The following NCAM2 variants were observed in gnomAD, a reference collection of about 807,000 sequenced individuals.
The protein encoded by NCAM2 is N-CAM-2.
Under a neutral mutation model 98.1 loss-of-function variants are expected in NCAM2, and 30 were observed. The observed-to-expected ratio is 0.31, with a 90% CI of 0.23 to 0.41. NCAM2 has a LOEUF of 0.41. Ranked by LOEUF, NCAM2 falls within the 10% of genes least tolerant of loss-of-function variation. The pLI, the probability that NCAM2 is intolerant of heterozygous loss-of-function variation, is 1.00. For synonymous variants in NCAM2, 368 were observed against 342.4 expected, an observed-to-expected ratio of 1.07 and a Z score of -0.83; for missense variants, 867 against 1,005.8, an observed-to-expected ratio of 0.86 and a Z score of 1.87.
chr21:21,117,802 T>C (rs750238060), intron 1 of NCAM2, among the ~76,000 whole-genome samples: 4 of 152,198 alleles, frequency 2.6e-5, no homozygotes, highest in Non-Finnish European at 5.9e-5. Context: ...TGGTCTCCTT[T>C]ACTTGATTTC....
intron 9 of NCAM2, among the ~76,000 whole-genome samples, chr21:21,381,293 G>T (rs2076148940): frequency 6.6e-6 from 1 of 152,070 alleles, no homozygotes; most frequent in African/African-American, 2.4e-5. Context: ...TTTGCCCATG[G>T]GCTATAATTT....
intron 1 of NCAM2, among the ~76,000 whole-genome samples, chr21:21,026,608 C>T (rs1017568886): frequency 6.7e-5 from 10 of 148,990 alleles, no homozygotes; most frequent in African/African-American, 1.7e-4. Flanking sequence ...CTGGGCAATA[C>T]GAGTGAAACT....
At chr21:21,099,363 G>A (rs2066191242) in intron 1 of NCAM2, among the ~76,000 whole-genome samples, 2 of 151,858 alleles carry the variant, frequency 1.3e-5, no homozygotes, top group Non-Finnish European at 2.9e-5. Context: ...ATAAAGAACT[G>A]CCTGAGACTA....
chr21:21,272,934 TCACA>T (rs61235726), intron 1 of NCAM2, among the ~76,000 whole-genome samples: 45 of 124,854 alleles, frequency 3.6e-4, no homozygotes, highest in South Asian at 3.0e-4. Context: ...GGACATGCAT[TCACA>T]CACACACACA....
chr21:21,096,727 G>A (rs1342327928), intron 1 of NCAM2, among the ~76,000 whole-genome samples: 4 of 151,350 alleles, frequency 2.6e-5, no homozygotes, highest in Non-Finnish European at 4.4e-5. Flanking sequence ...TGGAATATCT[G>A]CAAGCGTTTA....
rs561360078 is a variant in NCAM2, at chr21:21,507,626, T to C, written c.2078-1225T>C. On this transcript the variant is annotated intron_variant, in intron 15 of 17. Transcript: ENST00000400546. ...GGCTAACACGGTGAAACCCCGTTTC[T>C]ACTAAAAACACAAAAAAATTACCCA... Among the ~76,000 whole-genome samples the C allele has an allele frequency of 4.6e-5, 7 of 151,966 alleles. No individual in the cohort carries two copies. In the South Asian group the frequency reaches 1.5e-3, roughly 32 times the overall value.
At chr21:21,070,237 C>T (rs777314657) in intron 1 of NCAM2, among the ~76,000 whole-genome samples, 28 of 149,740 alleles carry the variant, frequency 1.9e-4, no homozygotes, top group Non-Finnish European at 3.3e-4. Flanking sequence ...AAAGTACACA[C>T]ACCTATATAA....
chr21:21,450,504 T>G lies in NCAM2; in HGVS notation c.1655-16102T>G, dbSNP rs115816360. Among the ~76,000 whole-genome samples the G allele has an allele frequency of 6.6e-4, 100 of 151,960 alleles. 1 individual carries two copies. The highest frequency in any genetic ancestry group is 2.2e-3 in the African/African-American group (93 of 41,474). On this transcript the variant is annotated intron_variant, in intron 12 of 17. Transcript: ENST00000400546. ...GGACTACACACGGCTAATTTAAAAT[T>G]TTTTTCTTAGAGAAGAGGTCTTGCT...
In NCAM2 at chr21:21,280,658, T is replaced by C. The variant is rs75625065; in HGVS notation, c.130+6T>C. 2,901 of 1,521,412 alleles carry C rather than the reference T, an allele frequency of 1.9e-3. 43 individuals carry two copies. The East Asian group carries it at 0.028, about 15-fold the overall frequency. The allele number at this position is 1,521,412 out of a possible 1,614,324, so 94.2% of individuals were successfully genotyped here. A position where few individuals can be genotyped will look rare whatever the true frequency, so the allele number is the denominator to read the frequency against. On this transcript the variant is annotated splice_donor_region_variant and intron_variant, in intron 2 of 17. Coordinates refer to ENST00000400546, the MANE Select transcript of NCAM2 (RefSeq NM_004540.5). ...TAAATTCTTCACATGTACAGGTACG[T>C]ATTTCTGTAAATACCTTCAGATAAC...
At chr21:21,442,813 G>A (rs575636944) in intron 12 of NCAM2, among the ~76,000 whole-genome samples, 110 of 152,214 alleles carry the variant, frequency 7.2e-4, no homozygotes, top group Non-Finnish European at 1.3e-3. Context: ...TCTACATTGT[G>A]TTATGGCACT....
chr21:21,421,041 T>C (rs949472914), intron 11 of NCAM2, among the ~76,000 whole-genome samples: 1 of 151,720 alleles, frequency 6.6e-6, no homozygotes, highest in Admixed American at 6.6e-5. Flanking sequence ...TATGTATATA[T>C]AATGTTATTA....
intron 1 of NCAM2, among the ~76,000 whole-genome samples, chr21:21,142,482 C>T (rs939875285): frequency 1.3e-5 from 2 of 150,312 alleles, no homozygotes; most frequent in African/African-American, 4.9e-5. Flanking sequence ...GGGTTCACGC[C>T]ATTCTCCTGC....
intron 12 of NCAM2, among the ~76,000 whole-genome samples, chr21:21,447,201 G>T (rs949067933): frequency 6.6e-6 from 1 of 152,104 alleles, no homozygotes; most frequent in African/African-American, 2.4e-5. Flanking sequence ...TATCAATACA[G>T]ACATATAGAC....
chr21:21,356,044 G>A (rs1320569909), intron 8 of NCAM2, among the ~76,000 whole-genome samples: 1 of 152,022 alleles, frequency 6.6e-6, no homozygotes, highest in Non-Finnish European at 1.5e-5. Flanking sequence ...TTTCCTCCAC[G>A]AATTTAGACA....
intron 8 of NCAM2, among the ~76,000 whole-genome samples, chr21:21,345,704 A>G (rs2075169029): frequency 6.6e-6 from 1 of 152,088 alleles, no homozygotes; most frequent in African/African-American, 2.4e-5. Context: ...AGTTTATGCA[A>G]AGGGATAATA....
chr21:21,090,695 C>T (rs547670168), intron 1 of NCAM2, among the ~76,000 whole-genome samples: 3 of 152,208 alleles, frequency 2.0e-5, no homozygotes, highest in South Asian at 2.1e-4. Context: ...AAAGCCAGTA[C>T]CTTACAAGCT....
At chr21:21,486,068 C>G (rs1470115174) in intron 15 of NCAM2, among the ~76,000 whole-genome samples, 1 of 151,990 alleles carries the variant, frequency 6.6e-6, no homozygotes, top group Non-Finnish European at 1.5e-5. Flanking sequence ...CTTTGGGAGG[C>G]CGAGGCAGGT....
At chr21:21,529,316 A>G (rs1423649886) in intron 16 of NCAM2, among the ~76,000 whole-genome samples, 1 of 152,152 alleles carries the variant, frequency 6.6e-6, no homozygotes, top group Non-Finnish European at 1.5e-5. Context: ...GATACCTCCT[A>G]TCCAACGCAG....
intron 15 of NCAM2, among the ~76,000 whole-genome samples, chr21:21,502,995 T>C (rs1401263841): frequency 6.6e-6 from 1 of 152,018 alleles, no homozygotes; most frequent in Non-Finnish European, 1.5e-5. Context: ...AATCTAATAG[T>C]GCAGTGGTTT....
Sources: allele counts gnomAD v4.1 joint callset (sites outside exome capture counted in the v4.1 genomes callset), GRCh38; gene constraint gnomAD v4.1.1; transcripts MANE v1.5; gene names NCBI Gene and HGNC (gene_info 2026-07-23, HGNC 2026-07-21).